Variants in MAP3K5 observed in about 807,000 individuals in gnomAD.
MAP3K5 encodes ASK-1.
Under a neutral mutation model 158.7 loss-of-function variants are expected in MAP3K5, and 56 were observed. The ratio of observed to expected loss-of-function variants is 0.35; its 90% CI spans 0.28 to 0.44. MAP3K5 has a LOEUF of 0.44. Among genes scored for constraint, MAP3K5 ranks in the 20% least tolerant of loss-of-function variants. MAP3K5 has a pLI of 1.00. For synonymous variants in MAP3K5, 579 were observed against 601.7 expected, an observed-to-expected ratio of 0.96 and a Z score of 0.55; for missense variants, 1,294 against 1,674.8, an observed-to-expected ratio of 0.77 and a Z score of 3.97.
chr6:136,775,672 A>G (rs939497705), intron 1 of MAP3K5, among the ~76,000 whole-genome samples: 1 of 152,240 alleles, frequency 6.6e-6, no homozygotes, highest in African/African-American at 2.4e-5. Flanking sequence ...CTGCAAACTT[A>G]GTCCAATGTG....
intron 14 of MAP3K5, among the ~76,000 whole-genome samples, chr6:136,626,534 C>T (rs770996300): frequency 6.6e-6 from 1 of 152,130 alleles, no homozygotes; most frequent in Non-Finnish European, 1.5e-5. Context: ...TGGGCTCCTG[C>T]GAGGAGACAG....
intron 19 of MAP3K5, among the ~76,000 whole-genome samples, chr6:136,603,114 G>A (rs1186650955): frequency 6.6e-6 from 1 of 151,494 alleles, no homozygotes; most frequent in African/African-American, 2.4e-5. Flanking sequence ...GTCAGACACA[G>A]TTCTAAGTGC....
intron 7 of MAP3K5, among the ~76,000 whole-genome samples, chr6:136,674,360 C>T (rs1038459322): frequency 6.6e-6 from 1 of 151,914 alleles, no homozygotes; most frequent in Non-Finnish European, 1.5e-5. Context: ...AGTTTCTTTC[C>T]TTGTTCAGGA....
intron 8 of MAP3K5, among the ~76,000 whole-genome samples, chr6:136,665,655 C>A (rs1292153039): frequency 6.6e-6 from 1 of 152,104 alleles, no homozygotes; most frequent in East Asian, 1.9e-4. Flanking sequence ...CTAAGAAGTG[C>A]TATATTTCAT....
At chr6:136,783,681 G>A (rs138540430) in intron 1 of MAP3K5, among the ~76,000 whole-genome samples, 42 of 152,312 alleles carry the variant, frequency 2.8e-4, no homozygotes, top group Middle Eastern at 3.4e-3. Context: ...AAAGGGGAGC[G>A]TGTGATAAAA....
At chr6:136,594,543 G>A (rs1385801437) in intron 21 of MAP3K5, among the ~76,000 whole-genome samples, 2 of 152,178 alleles carry the variant, frequency 1.3e-5, no homozygotes, top group African/African-American at 4.8e-5. Flanking sequence ...AGCTGAAGAA[G>A]AGCTCTTGGC....
intron 12 of MAP3K5, among the ~76,000 whole-genome samples, chr6:136,641,392 G>C (rs1777924953): frequency 1.3e-5 from 2 of 152,158 alleles, no homozygotes; most frequent in South Asian, 4.1e-4. Flanking sequence ...CTATGACGTG[G>C]GGGTAAACAG....
intron 2 of MAP3K5, among the ~76,000 whole-genome samples, chr6:136,707,581 C>T (rs1049410100): frequency 3.3e-5 from 5 of 151,624 alleles, no homozygotes; most frequent in African/African-American, 4.8e-5. Flanking sequence ...ACCCCTTGAA[C>T]GTAGTCATTT....
At chr6:136,787,864 T>C (rs1784912452) in intron 1 of MAP3K5, among the ~76,000 whole-genome samples, 1 of 152,196 alleles carries the variant, frequency 6.6e-6, no homozygotes, top group Admixed American at 6.5e-5. Context: ...GTCATGGGTG[T>C]AGAGCAAAGG....
intron 2 of MAP3K5, among the ~76,000 whole-genome samples, chr6:136,712,277 G>A (rs9483941): frequency 0.52 from 78,259 of 150,418 alleles, 20,562 homozygotes; most frequent in African/African-American, 0.57. Flanking sequence ...AACCTCCCCA[G>A]GCTCAGGCAA....
intron 1 of MAP3K5, among the ~76,000 whole-genome samples, chr6:136,756,541 C>G (rs1312937874): frequency 6.6e-6 from 1 of 152,054 alleles, no homozygotes; most frequent in African/African-American, 2.4e-5. Context: ...CTCCGCCTCC[C>G]TGCAACCTCC....
chr6:136,611,107 C>CAAAAAAAAAAAAAAAAAAAAAAA (rs59508317), intron 18 of MAP3K5, among the ~76,000 whole-genome samples, 175 bp downstream of exon 18: 18 of 24,454 alleles, frequency 7.4e-4, no homozygotes, highest in East Asian at 1.2e-3. Context: ...GACCCTGTCT[C>CAAAAAAAAAAAAAAAAAAAAAAA]AAAAAAAAAA....
chr6:136,592,981 G>A (rs774324408), intron 21 of MAP3K5, among the ~76,000 whole-genome samples: 4 of 152,150 alleles, frequency 2.6e-5, no homozygotes, highest in Non-Finnish European at 5.9e-5. Flanking sequence ...GGGTCAGATT[G>A]ATAATCTTTA....
chr6:136,772,304 A>G lies in MAP3K5; in HGVS notation c.448+19406T>C, dbSNP rs113307323. 5.6e-3 allele frequency among the ~76,000 whole-genome samples: 849 copies of G among 152,258 alleles called. 6 individuals carry two copies. Among genetic ancestry groups the G allele is most frequent in the African/African-American group, 0.019 (807 of 41,534 alleles). Reference sequence around the variant, plus strand: ...CATATTAAGTATATGAAATGTTTCTATGCAAATGTGTTCCTTCCTACCCTA... The same window carrying G: ...CATATTAAGTATATGAAATGTTTCTGTGCAAATGTGTTCCTTCCTACCCTA... On this transcript the variant is annotated intron_variant, in intron 1 of 29. Transcript: ENST00000359015.
At chr6:136,614,106 C>A in intron 16 of MAP3K5, 53 bp downstream of exon 16, 10 of 1,581,594 alleles carry the variant, frequency 6.3e-6, no homozygotes, top group South Asian at 1.1e-5. Flanking sequence ...CAATTTTACT[C>A]CCCTCCGAAG....
intron 1 of MAP3K5, among the ~76,000 whole-genome samples, chr6:136,762,435 G>A (rs1490380766): frequency 6.6e-6 from 1 of 152,220 alleles, no homozygotes; most frequent in Non-Finnish European, 1.5e-5. Flanking sequence ...ACCCTCAGGT[G>A]TTCCATGGAC....
At chr6:136,713,540 A>G (rs564514219) in intron 2 of MAP3K5, among the ~76,000 whole-genome samples, 1 of 152,340 alleles carries the variant, frequency 6.6e-6, no homozygotes, top group Non-Finnish European at 1.5e-5. Context: ...TAAATAAATC[A>G]TTCATCTAGC....
chr6:136,671,022 T>C (rs1250055441), intron 7 of MAP3K5, among the ~76,000 whole-genome samples: 6 of 152,216 alleles, frequency 3.9e-5, no homozygotes, highest in Non-Finnish European at 8.8e-5. Context: ...TCAAAGTTCT[T>C]TGTCTTTGTT....
chr6:136,689,699 C>G lies in MAP3K5; in HGVS notation c.1253+4441G>C, dbSNP rs144169778. Among the ~76,000 whole-genome samples, 150 of 152,286 alleles carry G rather than the reference C, an allele frequency of 9.8e-4. 2 individuals carry two copies. Among genetic ancestry groups the G allele is most frequent in the African/African-American group, 3.3e-3 (138 of 41,558 alleles). On this transcript the variant is annotated intron_variant, in intron 7 of 29. Transcript: ENST00000359015. Reference sequence around the variant, plus strand: ...ATTTGCCCACTCTCTCTTTCCCCTTCTGCCATGAGTTGATGTAACAAGAAG... The same window carrying G: ...ATTTGCCCACTCTCTCTTTCCCCTTGTGCCATGAGTTGATGTAACAAGAAG...
Sources: gnomAD v4.1 joint callset for allele counts (sites outside exome capture counted in the v4.1 genomes callset) on GRCh38, gnomAD v4.1.1 for gene constraint, MANE v1.5 for transcripts, NCBI Gene and HGNC (gene_info 2026-07-23, HGNC 2026-07-21) for gene names.